Variants in PHF14 observed in about 807,000 individuals in gnomAD.
The protein encoded by PHF14 is PHD finger protein 14.
A neutral mutation model predicts 117.9 loss-of-function variants in PHF14; 55 were observed. That is an observed-to-expected ratio of 0.47 (90% CI 0.38 to 0.58). The LOEUF is 0.58. Among genes scored for constraint, PHF14 ranks in the 20% least tolerant of loss-of-function variants. The pLI is 0.00. For missense variants in PHF14, 978 were observed against 1,122.2 expected, an observed-to-expected ratio of 0.87 and a Z score of 1.84; for synonymous variants, 409 against 368.6, an observed-to-expected ratio of 1.11 and a Z score of -1.26.
intron 16 of PHF14, chr7:11,109,701 A>C (rs1454297743): frequency 6.6e-6 from 1 of 151,828 alleles, no homozygotes; most frequent in Non-Finnish European, 1.5e-5. Flanking sequence ...TATATTATTT[A>C]TTATTCTTTC....
chr7:11,082,508 T>A (rs529695607), intron 16 of PHF14, among the ~76,000 whole-genome samples: 1 of 152,270 alleles, frequency 6.6e-6, no homozygotes, highest in African/African-American at 2.4e-5. Flanking sequence ...TATTTGCAGA[T>A]AAGCTTAATT....
chr7:11,041,852 G>C (rs1162168070), intron 12 of PHF14, among the ~76,000 whole-genome samples: 1 of 149,136 alleles, frequency 6.7e-6, no homozygotes, highest in Non-Finnish European at 1.5e-5. Context: ...ATTTATTTTG[G>C]CTTTTTAAGT....
intron 17 of PHF14, among the ~76,000 whole-genome samples, chr7:11,125,076 G>C (rs1787889863): frequency 6.6e-6 from 1 of 152,074 alleles, no homozygotes; most frequent in African/African-American, 2.4e-5. Flanking sequence ...ATCTGTGTTA[G>C]GGGAGGTACC....
chr7:11,060,509 T>C (rs768405037), intron 14 of PHF14, among the ~76,000 whole-genome samples: 3 of 152,178 alleles, frequency 2.0e-5, no homozygotes, highest in African/African-American at 4.8e-5. Flanking sequence ...CTTAAACTTA[T>C]GTGTATTTGA....
At chr7:11,015,096 G>A (rs1783491000) in intron 5 of PHF14, 1 of 151,792 alleles carries the variant, frequency 6.6e-6, no homozygotes, top group African/African-American at 2.4e-5. Context: ...AAGATTAACA[G>A]CAAAGCAACC....
At chr7:11,145,739 A>G (rs940297153) in intron 17 of PHF14, among the ~76,000 whole-genome samples, 4 of 152,128 alleles carry the variant, frequency 2.6e-5, no homozygotes, top group Non-Finnish European at 5.9e-5. Flanking sequence ...AAAAAGTAAC[A>G]TGCATTATAG....
chr7:11,082,733 T>G (rs1786198520), intron 16 of PHF14, among the ~76,000 whole-genome samples: 1 of 152,208 alleles, frequency 6.6e-6, no homozygotes, highest in Admixed American at 6.5e-5. Flanking sequence ...ACATAGTACT[T>G]CCACTCAGCT....
chr7:11,116,202 G>A (rs10251185), intron 17 of PHF14, among the ~76,000 whole-genome samples: 86,162 of 151,706 alleles, frequency 0.57, 26,055 homozygotes, highest in East Asian at 0.85. Context: ...ACATGATTCC[G>A]CCAATCTTCA....
intron 16 of PHF14, among the ~76,000 whole-genome samples, chr7:11,071,557 A>G (rs1293771648): frequency 2.0e-5 from 3 of 152,220 alleles, no homozygotes; most frequent in South Asian, 4.1e-4. Flanking sequence ...TTTACCCATT[A>G]TAAGTATAGA....
At chr7:11,136,594 T>A (rs1399905191) in intron 17 of PHF14, among the ~76,000 whole-genome samples, 1 of 152,342 alleles carries the variant, frequency 6.6e-6, no homozygotes, top group African/African-American at 2.4e-5. Flanking sequence ...TCTTTTGCCA[T>A]GTTCTATTCT....
At chr7:11,065,057 A>G (rs745442915) in intron 16 of PHF14, among the ~76,000 whole-genome samples, 1 of 152,092 alleles carries the variant, frequency 6.6e-6, no homozygotes, top group Non-Finnish European at 1.5e-5. Flanking sequence ...GTCCTGTTGT[A>G]TATAATTTTG....
At chr7:11,028,028 A>T (rs1472751275) in intron 6 of PHF14, among the ~76,000 whole-genome samples, 2 of 152,096 alleles carry the variant, frequency 1.3e-5, no homozygotes, top group Non-Finnish European at 2.9e-5. Flanking sequence ...ATAGTCCTTG[A>T]CTTATGATGG....
chr7:11,094,866 G>A (rs1197620179), intron 16 of PHF14, among the ~76,000 whole-genome samples: 1 of 152,072 alleles, frequency 6.6e-6, no homozygotes, highest in Non-Finnish European at 1.5e-5. Flanking sequence ...AGGCCACTTG[G>A]TTGCCCTCTG....
At chr7:11,036,877 A>C (rs1481617931) in intron 9 of PHF14, 108 bp from the exon 10 acceptor site, 1 of 957,330 alleles carries the variant, frequency 1.0e-6, no homozygotes, top group Non-Finnish European at 1.6e-6. Flanking sequence ...TATACTTAAA[A>C]GTTTTAAACT....
At chr7:11,163,483 A>T (rs891690724) in intron 17 of PHF14, among the ~76,000 whole-genome samples, 3 of 152,182 alleles carry the variant, frequency 2.0e-5, no homozygotes, top group Non-Finnish European at 2.9e-5. Context: ...CATTCAATGC[A>T]TTGGAAAACT....
intron 17 of PHF14, among the ~76,000 whole-genome samples, chr7:11,152,315 T>C (rs1436190980): frequency 6.6e-6 from 1 of 152,200 alleles, no homozygotes; most frequent in African/African-American, 2.4e-5. Context: ...CTAGCTCCTC[T>C]AATATTTTTG....
At chr7:11,102,489 C>A in intron 16 of PHF14, 2 of 1,606,450 alleles carry the variant, frequency 1.2e-6, no homozygotes, top group Non-Finnish European at 1.7e-6. Context: ...TGTGTAGATA[C>A]CCTTCATGAG....
At position 11,040,717 on chromosome 7, in the gene PHF14, C is replaced by A. The variant is rs763499836; in HGVS notation, c.2122C>A (p.Pro708Thr). 4.5e-5 allele frequency: 70 copies of A among 1,569,348 alleles called. No homozygotes were observed. The highest frequency in any genetic ancestry group is 5.9e-5 in the Non-Finnish European group (68 of 1,156,338). Residue 708 changes from proline to threonine, a missense_variant, in exon 12 of 18, where the codon CCA becomes ACA. Coordinates refer to ENST00000634607, the MANE Select transcript of PHF14 (RefSeq NM_001007157.2). ...AILRAPKERK[P>T]SKKEGGTQKT... is the part of the protein sequence containing the mutation. The stretch of plus-strand genomic sequence containing the variant: ...TTTGCGAGCACCCAAGGAGAGAAAA[C>A]CAAGTAAAAAAGAAGGAGGCACACA...
At chr7:11,081,543 G>A (rs928420819) in intron 16 of PHF14, among the ~76,000 whole-genome samples, 1 of 152,144 alleles carries the variant, frequency 6.6e-6, no homozygotes, top group Admixed American at 6.6e-5. Context: ...AAACATTTAA[G>A]TTTAAGTTAG....
Sources: allele counts gnomAD v4.1 joint callset (sites outside exome capture counted in the v4.1 genomes callset), GRCh38; gene constraint gnomAD v4.1.1; transcripts MANE v1.5; gene names NCBI Gene and HGNC (gene_info 2026-07-23, HGNC 2026-07-21).